The following CCDC88A variants were observed in gnomAD, a reference collection of about 807,000 sequenced individuals.
CCDC88A encodes the protein girdin.
In CCDC88A, 54 loss-of-function variants were observed where a neutral mutation model predicts 234.3. The ratio of observed to expected loss-of-function variants is 0.23; its 90% CI spans 0.19 to 0.29. The LOEUF is 0.29. CCDC88A is among the 10% of genes least tolerant of loss of function. The pLI, the probability that CCDC88A is intolerant of heterozygous loss-of-function variation, is 1.00. For missense variants in CCDC88A, 1,832 were observed against 2,123.4 expected (o/e 0.86, Z 2.70); for synonymous variants, 753 against 737.8 (o/e 1.02, Z -0.33).
intron 29 of CCDC88A, chr2:55,296,941 T>C (rs953085702): frequency 6.5e-6 from 1 of 154,658 alleles, no homozygotes; most frequent in African/African-American, 2.4e-5. Flanking sequence ...TCCCAACACT[T>C]TGGAAGGCCG....
intron 25 of CCDC88A, among the ~76,000 whole-genome samples, chr2:55,307,060 CTG>C (rs145682879): frequency 0.17 from 26,233 of 151,268 alleles, 5,178 homozygotes; most frequent in African/African-American, 0.49. Flanking sequence ...TAGAATGTGT[CTG>C]TGTGTGTGTG....
chr2:55,309,290 A>G lies in CCDC88A; in HGVS notation c.4080-36T>C, dbSNP rs1182482755. Reference sequence around the variant, plus strand: ...AAAATTACCTTTTAGGACAGGCATCATATTTTGTACAGCTATGAATATTAA... The same window carrying G: ...AAAATTACCTTTTAGGACAGGCATCGTATTTTGTACAGCTATGAATATTAA... On this transcript the variant is annotated intron_variant, in intron 23 of 32. Coordinates refer to ENST00000436346, the MANE Select transcript of CCDC88A (RefSeq NM_001365480.1). The surrounding 1 kb of genome is among the most constrained non-coding windows in gnomAD (Gnocchi z 5.1). The G allele has an allele frequency of 2.1e-6, 2 of 961,524 alleles. No homozygotes were observed. The highest frequency in any genetic ancestry group is 1.4e-5 in the South Asian group (1 of 69,886). The allele number at this position is 961,524 out of a possible 1,614,324, so 59.6% of individuals were successfully genotyped here.
At chr2:55,320,967 G>A (rs1037990979) in intron 18 of CCDC88A, 2 of 152,068 alleles carry the variant, frequency 1.3e-5, no homozygotes, top group African/African-American at 4.8e-5. Context: ...AAAATTCGCT[G>A]GGTGTGGTGG....
chr2:55,417,364 T>G (rs1407331627), intron 2 of CCDC88A: 1 of 151,996 alleles, frequency 6.6e-6, no homozygotes, highest in African/African-American at 2.4e-5. Flanking sequence ...AAATTCTGAG[T>G]ATCTACTGTA....
At chr2:55,366,548 C>T (rs1047546549) in intron 5 of CCDC88A, among the ~76,000 whole-genome samples, 1 of 150,060 alleles carries the variant, frequency 6.7e-6, no homozygotes, top group Admixed American at 6.7e-5. Context: ...CACACACACA[C>T]ACACACACAC....
At chr2:55,368,098 T>C (rs995985858) in intron 5 of CCDC88A, among the ~76,000 whole-genome samples, 2 of 152,202 alleles carry the variant, frequency 1.3e-5, no homozygotes, top group South Asian at 2.1e-4. Flanking sequence ...AGGGCTAGGA[T>C]GAAGAGTCAC....
intron 3 of CCDC88A, among the ~76,000 whole-genome samples, chr2:55,387,551 G>C (rs765464960): frequency 6.6e-6 from 1 of 152,084 alleles, no homozygotes; most frequent in Middle Eastern, 3.4e-3. Context: ...GGAGGCTGAG[G>C]GGGGCAGATC....
At chr2:55,352,056 G>T (rs973861542) in intron 8 of CCDC88A, among the ~76,000 whole-genome samples, 4 of 152,146 alleles carry the variant, frequency 2.6e-5, no homozygotes, top group African/African-American at 9.7e-5. Flanking sequence ...ACTAGTGATT[G>T]CCAGGAGCTG....
chr2:55,416,143 G>A (rs1681344774), intron 2 of CCDC88A, among the ~76,000 whole-genome samples: 1 of 151,800 alleles, frequency 6.6e-6, no homozygotes, highest in African/African-American at 2.4e-5. Context: ...TGTTCAAGAA[G>A]CTAGAGAAAA....
At chr2:55,349,376 G>A (rs1257902700) in intron 9 of CCDC88A, 142 bp downstream of exon 9, 4 of 626,052 alleles carry the variant, frequency 6.4e-6, no homozygotes, top group Non-Finnish European at 1.1e-5. Flanking sequence ...GAGAGACTCT[G>A]AAAAAGTCAT....
intron 26 of CCDC88A, chr2:55,302,566 T>C (rs1681021706): frequency 6.1e-6 from 1 of 162,682 alleles, no homozygotes; most frequent in African/African-American, 2.4e-5. Context: ...ATATCTAAAG[T>C]GACAGACACT....
Position 55,295,898 on chromosome 2 carries a change from C to T in CCDC88A, c.5250G>A (p.Lys1750=), listed in dbSNP as rs376092784. 180 of 1,614,020 alleles carry T rather than the reference C, an allele frequency of 1.1e-4. 1 individual carries two copies. The highest frequency in any genetic ancestry group is 4.9e-4 in the Middle Eastern group (3 of 6,084). ...PGDFYDRRTT[K]PEFLRPGPRK... ...GAGGACCAGGTCTCAAAAACTCAGG[C>T]TTAGTTGTCCGTCTATCATAGAAGT... Residue 1750 remains lysine, a synonymous_variant, in exon 31 of 33, where the codon AAG becomes AAA. Transcript: ENST00000436346.
chr2:55,411,511 T>C (rs572094936), intron 2 of CCDC88A, among the ~76,000 whole-genome samples: 2 of 151,888 alleles, frequency 1.3e-5, no homozygotes, highest in South Asian at 2.1e-4. Flanking sequence ...CGGTGGCTCA[T>C]GCCTGTAATC....
At chr2:55,323,603 T>C (rs1172165232) in intron 17 of CCDC88A, 1 of 152,186 alleles carries the variant, frequency 6.6e-6, no homozygotes, top group African/African-American at 2.4e-5. Context: ...TCATTTCTAG[T>C]CTCTATTTTA....
rs989753043 is a variant in CCDC88A, at chr2:55,335,722, C to T, written c.1657-558G>A. On this transcript the variant is annotated intron_variant, in intron 14 of 32. Coordinates refer to ENST00000436346, the MANE Select transcript of CCDC88A (RefSeq NM_001365480.1). The surrounding 1 kb of genome is among the most constrained non-coding windows in gnomAD (Gnocchi z 4.5). ...GGGAACTAATTCATCCAATTTATAG[C>T]GTGATCTAATACAATGATTCTCAAA... Among the ~76,000 whole-genome samples, 1 of 152,052 alleles carries T rather than the reference C, an allele frequency of 6.6e-6. No homozygotes were observed. The highest frequency in any genetic ancestry group is 6.6e-5 in the Admixed American group (1 of 15,258).
chr2:55,345,169 A>C (rs572405194), intron 10 of CCDC88A, among the ~76,000 whole-genome samples: 3 of 152,238 alleles, frequency 2.0e-5, no homozygotes, highest in Non-Finnish European at 4.4e-5. Flanking sequence ...TCATGCATAC[A>C]CAAGTCTTTA....
Position 55,288,115 on chromosome 2 carries a change from AGT to A in CCDC88A, c.*3083_*3084del, listed in dbSNP as rs1320562600. On this transcript the variant is annotated 3_prime_UTR_variant, in exon 33 of 33. Transcript: ENST00000436346. ...ATTATTTGATTTGGTATTTAATAAC[AGT>A]TATAAGTACAATGGTAGACACTGAA... 1 of 152,650 alleles carries A rather than the reference AGT, an allele frequency of 6.6e-6. No homozygotes were observed. Among genetic ancestry groups the A allele is most frequent in the Non-Finnish European group, 1.5e-5 (1 of 68,028 alleles). 9.5% of individuals were successfully genotyped at this position (152,650 alleles called of 1,614,324 possible).
chr2:55,297,540 A>C (rs1680343221), intron 29 of CCDC88A, among the ~76,000 whole-genome samples: 1 of 147,192 alleles, frequency 6.8e-6, no homozygotes, highest in Non-Finnish European at 1.5e-5. Flanking sequence ...CCTCCCAAGT[A>C]GCTGGGATTA....
chr2:55,414,862 G>A (rs1261916992), intron 2 of CCDC88A, among the ~76,000 whole-genome samples: 1 of 151,802 alleles, frequency 6.6e-6, no homozygotes, highest in Non-Finnish European at 1.5e-5. Context: ...TCAGGAGATC[G>A]AGACCATCCT....
Sources: allele counts gnomAD v4.1 joint callset (sites outside exome capture counted in the v4.1 genomes callset), GRCh38; gene constraint gnomAD v4.1.1; non-coding constraint Gnocchi (gnomAD v3.1); transcripts MANE v1.5; gene names NCBI Gene and HGNC (gene_info 2026-07-23, HGNC 2026-07-21).